The following LIN52 variants were observed in gnomAD, a reference collection of about 807,000 sequenced individuals.
The protein encoded by LIN52 is protein lin-52 homolog.
A neutral mutation model predicts 18.5 loss-of-function variants in LIN52; 4 were observed. The ratio of observed to expected loss-of-function variants is 0.22; its 90% CI spans 0.11 to 0.49. The LOEUF is 0.49. Among genes scored for constraint, LIN52 ranks in the 20% least tolerant of loss-of-function variants. The pLI, the probability that LIN52 is intolerant of heterozygous loss-of-function variation, is 0.97. For synonymous variants in LIN52, 34 were observed against 45.5 expected (o/e 0.75, Z 1.02); for missense variants, 102 against 139.5 (o/e 0.73, Z 1.35).
intron 2 of LIN52, among the ~76,000 whole-genome samples, chr14:74,093,915 A>T (rs559033782): frequency 4.1e-4 from 62 of 152,036 alleles, no homozygotes; most frequent in Non-Finnish European, 6.6e-4. Context: ...TGCAGTGAGC[A>T]GAGATTGCAG....
At chr14:74,107,262 A>C (rs2060902659) in intron 5 of LIN52, among the ~76,000 whole-genome samples, 1 of 151,906 alleles carries the variant, frequency 6.6e-6, no homozygotes. Flanking sequence ...CTTGAACCCT[A>C]CTCCATCACT....
In LIN52 at chr14:74,089,799, A is replaced by G. The variant is rs531737823; in HGVS notation, c.20-1433A>G. Among the ~76,000 whole-genome samples the G allele has an allele frequency of 8.5e-5, 13 of 152,274 alleles. No homozygotes were observed. The East Asian group carries it at 2.5e-3, about 29-fold the overall frequency. ...GTCATTGGCATACAGATGAAGATAA[A>G]AGTCCTCATGTTGAAATAGGGGAGT... On this transcript the variant is annotated intron_variant, in intron 1 of 5. Transcript: ENST00000555028.
chr14:74,142,723 G>GT (rs1415612306), intron 5 of LIN52, among the ~76,000 whole-genome samples: 1 of 150,610 alleles, frequency 6.6e-6, no homozygotes, highest in Non-Finnish European at 1.5e-5. Flanking sequence ...AGCTAAGAAT[G>GT]TTTTTTACGT....
intron 5 of LIN52, among the ~76,000 whole-genome samples, chr14:74,185,461 C>T (rs1303094203): frequency 2.6e-5 from 4 of 151,400 alleles, no homozygotes; most frequent in Non-Finnish European, 5.9e-5. Flanking sequence ...ACTACAGGCT[C>T]CGCCACCACA....
chr14:74,134,631 C>G (rs2061087373), intron 5 of LIN52, among the ~76,000 whole-genome samples: 1 of 150,786 alleles, frequency 6.6e-6, no homozygotes, highest in Non-Finnish European at 1.5e-5. Context: ...CCTCTGGCCC[C>G]CCTCCCCCAT....
chr14:74,138,493 G>T (rs2061110490), intron 5 of LIN52, among the ~76,000 whole-genome samples: 1 of 152,126 alleles, frequency 6.6e-6, no homozygotes, highest in African/African-American at 2.4e-5. Context: ...GTTTGCTAAG[G>T]TGTTGTTAAA....
chr14:74,188,865 A>T (rs1289711193), intron 5 of LIN52, among the ~76,000 whole-genome samples: 1 of 152,180 alleles, frequency 6.6e-6, no homozygotes, highest in African/African-American at 2.4e-5. Context: ...AATTATAATC[A>T]AGAGAGGTTT....
intron 2 of LIN52, among the ~76,000 whole-genome samples, chr14:74,095,737 C>G (rs146401396): frequency 6.6e-6 from 1 of 152,068 alleles, no homozygotes; most frequent in Non-Finnish European, 1.5e-5. Context: ...CTTTTTATGC[C>G]CCCTGGGTCT....
rs997256642 is a variant in LIN52, at chr14:74,095,968, G to A, written c.115G>A (p.Ala39Thr). The part of the protein sequence containing the change: ...PEQLPGVAEF[A>T]ASFKSPITSS... ...TTTAGTACCAGGTGTTGCTGAATTTGCAGCTTCCTTCAAAAGTGTAAGTAA... is the reference window on the plus strand; with the variant it reads ...TTTAGTACCAGGTGTTGCTGAATTTACAGCTTCCTTCAAAAGTGTAAGTAA... Residue 39 changes from alanine to threonine, a missense_variant, in exon 3 of 6, where the codon GCA becomes ACA. Ala to Thr is a moderately conservative substitution (Grantham distance 58). Transcript: ENST00000555028. 8.1e-6 allele frequency: 13 copies of A among 1,608,828 alleles called. No homozygotes were observed. The highest frequency in any genetic ancestry group is 1.0e-5 in the Non-Finnish European group (12 of 1,177,304).
At chr14:74,192,085 T>C (rs2078880576) in intron 5 of LIN52, among the ~76,000 whole-genome samples, 1 of 148,940 alleles carries the variant, frequency 6.7e-6, no homozygotes, top group Non-Finnish European at 1.5e-5. Context: ...TCATTTGTGT[T>C]ACCATTTATC....
chr14:74,108,454 C>CA (rs562162191), intron 5 of LIN52, among the ~76,000 whole-genome samples: 118 of 152,340 alleles, frequency 7.7e-4, no homozygotes, highest in African/African-American at 2.6e-3. Flanking sequence ...GAGGAACTGT[C>CA]AGACTGTTTT....
intron 5 of LIN52, among the ~76,000 whole-genome samples, chr14:74,126,120 A>G (rs1019282433): frequency 5.9e-5 from 9 of 152,320 alleles, no homozygotes; most frequent in African/African-American, 1.9e-4. Context: ...AGCACATGCA[A>G]AGATACTCAA....
chr14:74,102,972 A>G (rs1271163323), intron 5 of LIN52, among the ~76,000 whole-genome samples: 2 of 152,146 alleles, frequency 1.3e-5, no homozygotes, highest in Non-Finnish European at 2.9e-5. Flanking sequence ...ACTTATAACA[A>G]TTTCCTGTAG....
rs1281590244 is a variant in LIN52 at position 74,114,245 on chromosome 14, C to A, written c.283+13007C>A. ...AACTTGTGCTTTAAAAAATTTTATT[C>A]TATCTTAAGCATTTTCCTGTGTCAT... On this transcript the variant is annotated intron_variant, in intron 5 of 5. Coordinates refer to ENST00000555028, the MANE Select transcript of LIN52 (RefSeq NM_001024674.3). 3.1e-6 allele frequency: 3 copies of A among 982,024 alleles called. No homozygotes were observed. In the East Asian group the frequency reaches 3.5e-4, roughly 115 times the overall value. The allele number at this position is 982,024 out of a possible 1,614,324, so 60.8% of individuals were successfully genotyped here. A position where few individuals can be genotyped will look rare whatever the true frequency, so the allele number is the denominator to read the frequency against.
intron 5 of LIN52, among the ~76,000 whole-genome samples, chr14:74,191,734 C>T (rs1013113332): frequency 4.6e-5 from 7 of 151,526 alleles, no homozygotes; most frequent in East Asian, 1.9e-4. Flanking sequence ...CCCGGGTTCA[C>T]GCCATTCTCC....
chr14:74,096,560 C>T (rs1168802133), intron 3 of LIN52, among the ~76,000 whole-genome samples: 1 of 151,684 alleles, frequency 6.6e-6, no homozygotes, highest in African/African-American at 2.4e-5. Flanking sequence ...AGGTAAATGA[C>T]TTGATGCATG....
chr14:74,117,469 A>ATT (rs143832917), intron 5 of LIN52, among the ~76,000 whole-genome samples: 1 of 148,130 alleles, frequency 6.8e-6, no homozygotes, highest in Admixed American at 6.8e-5. Flanking sequence ...ATGGACCTGG[A>ATT]TTTCTTTTTT....
intron 5 of LIN52, among the ~76,000 whole-genome samples, chr14:74,140,078 A>AGT (rs1459735374): frequency 8.1e-6 from 1 of 123,414 alleles, no homozygotes; most frequent in Non-Finnish European, 1.7e-5. Flanking sequence ...TCCTAAGAAC[A>AGT]CTTCAGCAAA....
At chr14:74,169,308 TC>T (rs1368014021) in intron 5 of LIN52, among the ~76,000 whole-genome samples, 2 of 152,192 alleles carry the variant, frequency 1.3e-5, no homozygotes, top group Non-Finnish European at 2.9e-5. Flanking sequence ...AATATCAAAA[TC>T]CTTTTGTCTC....
Sources: gnomAD v4.1 joint callset for allele counts (sites outside exome capture counted in the v4.1 genomes callset) on GRCh38, gnomAD v4.1.1 for gene constraint, MANE v1.5 for transcripts, NCBI Gene and HGNC (gene_info 2026-07-23, HGNC 2026-07-21) for gene names.